Variants in ADCY9 observed in about 807,000 individuals in gnomAD.
The protein encoded by ADCY9 is adenylate cyclase type 9.
Under a neutral mutation model 101.5 loss-of-function variants are expected in ADCY9, and 50 were observed. The ratio of observed to expected loss-of-function variants is 0.49; its 90% CI spans 0.39 to 0.62. ADCY9 has a LOEUF of 0.62. ADCY9 is among the 20% of genes least tolerant of loss of function. ADCY9 has a pLI of 0.00. For synonymous variants in ADCY9, 905 were observed against 769.3 expected (o/e 1.18, Z -2.92); for missense variants, 1,662 against 1,800.4 (o/e 0.92, Z 1.39).
intron 2 of ADCY9, among the ~76,000 whole-genome samples, chr16:4,104,844 C>G (rs948759442): frequency 6.6e-6 from 1 of 152,014 alleles, no homozygotes; most frequent in Admixed American, 6.6e-5. Flanking sequence ...CATTTTATCA[C>G]TCAAAAAACC....
Position 3,992,493 on chromosome 16 carries a change from G to T in ADCY9, c.1990-130C>A. On this transcript the variant is annotated intron_variant, in intron 4 of 10. Coordinates refer to ENST00000294016, the MANE Select transcript of ADCY9 (RefSeq NM_001116.4). This position sits in a 1 kb window ranked among gnomAD's most constrained non-coding sequence, Gnocchi z 4.2. ...CTGGGCGTGGGACTTTCTGACCTGC[G>T]AGGAACCCCCACCCCCCTGCGCCTA... 1.3e-6 allele frequency: 1 copy of T among 794,026 alleles called. No individual in the cohort carries two copies. The highest frequency in any genetic ancestry group is 2.0e-6 in the Non-Finnish European group (1 of 504,834). 49.2% of individuals were successfully genotyped at this position (794,026 alleles called of 1,614,324 possible).
intron 3 of ADCY9, among the ~76,000 whole-genome samples, chr16:4,000,968 TACACACAC>T (rs141254290): frequency 1.1e-3 from 134 of 125,334 alleles, no homozygotes; most frequent in African/African-American, 3.2e-3. Context: ...TCCCTCTCTC[TACACACAC>T]ACACACACAC....
chr16:3,983,795 C>A (rs1036564267), intron 6 of ADCY9: 1 of 244,882 alleles, frequency 4.1e-6, no homozygotes, highest in Non-Finnish European at 8.0e-6. Flanking sequence ...CATGGCAGTG[C>A]GTGAGTGTGG....
intron 6 of ADCY9, 62 bp from the exon 7 acceptor site, chr16:3,983,502 C>A: frequency 7.1e-7 from 1 of 1,410,856 alleles, no homozygotes; most frequent in South Asian, 1.2e-5. Context: ...GAGCGCAGTT[C>A]AGATGGAGAA....
chr16:4,078,570 AAAAAGAAAAC>A (rs1380273549), intron 2 of ADCY9, among the ~76,000 whole-genome samples: 1 of 137,212 alleles, frequency 7.3e-6, no homozygotes, highest in African/African-American at 2.6e-5. Context: ...AAGAAAAAAA[AAAAAGAAAAC>A]AAAAACATAA....
chr16:3,954,272 C>T lies in ADCY9; in HGVS notation c.568-756G>A, dbSNP rs1173843281. Among the ~76,000 whole-genome samples the T allele has an allele frequency of 5.9e-5, 9 of 152,184 alleles. No homozygotes were observed. The East Asian group carries it at 7.7e-4, about 13-fold the overall frequency. On this transcript the variant is annotated intron_variant, in intron 5 of 5. Transcript: ENST00000576936. ...TGGGTCCTGGTGAACGACGATGCTT[C>T]GACATCCACTCTTCTGGGCATTCCC... is the stretch of plus-strand genomic sequence containing the variant.
chr16:4,065,295 C>T (rs1003668582), intron 2 of ADCY9, among the ~76,000 whole-genome samples: 1 of 152,228 alleles, frequency 6.6e-6, no homozygotes, highest in Non-Finnish European at 1.5e-5. Context: ...GCTCCTTTCA[C>T]TTTCAATTCC....
chr16:3,993,654 C>G (rs1304532760), intron 3 of ADCY9, 144 bp from the exon 4 acceptor site: 5 of 1,036,846 alleles, frequency 4.8e-6, no homozygotes, highest in Non-Finnish European at 7.0e-6. Context: ...CGGGGATGAG[C>G]TGAAAGCCAA....
intron 2 of ADCY9, among the ~76,000 whole-genome samples, chr16:4,107,768 G>A (rs527719534): frequency 1.3e-5 from 2 of 152,186 alleles, no homozygotes; most frequent in African/African-American, 2.4e-5. Context: ...TGGCAGGCCC[G>A]TGCTCAGGGT....
rs576225925 is a variant in ADCY9, at chr16:4,047,916, G to A, written c.1694-40358C>T. Among the ~76,000 whole-genome samples the A allele has an allele frequency of 2.6e-5, 4 of 152,264 alleles. No individual in the cohort carries two copies. In the South Asian group the frequency reaches 8.3e-4, roughly 32 times the overall value. On this transcript the variant is annotated intron_variant, in intron 2 of 10. Transcript: ENST00000294016. ...CTTGCCCTGAACCCTCCCTTACCCA[G>A]GTAGCCACGAAGCATCTGGTGACTG...
At position 3,992,026 on chromosome 16, in the gene ADCY9, G is replaced by A. The variant is rs544079859; in HGVS notation, c.2207+120C>T. 9 of 933,944 alleles carry A rather than the reference G, an allele frequency of 9.6e-6. No individual in the cohort carries two copies. The highest frequency in any genetic ancestry group is 5.2e-5 in the Admixed American group (2 of 38,170). 57.9% of individuals were successfully genotyped at this position (933,944 alleles called of 1,614,324 possible). On this transcript the variant is annotated intron_variant, in intron 5 of 10. Coordinates refer to ENST00000294016, the MANE Select transcript of ADCY9 (RefSeq NM_001116.4). This position sits in a 1 kb window ranked among gnomAD's most constrained non-coding sequence, Gnocchi z 4.2. ...ATAGAGGCTGCAGTGAGCCAAGATC[G>A]CGCCACTGCACTGCAGCCTGGATGA... is the stretch of plus-strand genomic sequence containing the variant.
intron 2 of ADCY9, among the ~76,000 whole-genome samples, chr16:4,059,250 G>A (rs749069637): frequency 4.0e-5 from 6 of 151,498 alleles, no homozygotes; most frequent in Admixed American, 6.6e-5. Flanking sequence ...AGCTGGTGGC[G>A]GGTGCCTGTA....
Position 3,991,220 on chromosome 16 carries a change from G to A in ADCY9, c.2207+926C>T, listed in dbSNP as rs2056241075. Among the ~76,000 whole-genome samples, 3 of 152,216 alleles carry A rather than the reference G, an allele frequency of 2.0e-5. No individual in the cohort carries two copies. The South Asian group carries it at 6.2e-4, about 32-fold the overall frequency. ...CAAGATCTTCAAGTATTTTCTCACAGATTGCTTATTAGTCATAAGAGGAAT... is the reference window on the plus strand; with the variant it reads ...CAAGATCTTCAAGTATTTTCTCACAAATTGCTTATTAGTCATAAGAGGAAT... On this transcript the variant is annotated intron_variant, in intron 5 of 10. Coordinates refer to ENST00000294016, the MANE Select transcript of ADCY9 (RefSeq NM_001116.4).
At chr16:3,957,499 C>T (rs148328195) in intron 5 of ADCY9, among the ~76,000 whole-genome samples, 71 of 150,680 alleles carry the variant, frequency 4.7e-4, no homozygotes, top group African/African-American at 1.6e-3. Flanking sequence ...AGGGTGATGG[C>T]GGAATGGGGG....
intron 6 of ADCY9, among the ~76,000 whole-genome samples, chr16:3,987,480 G>A (rs535074580): frequency 1.3e-5 from 2 of 152,316 alleles, no homozygotes; most frequent in East Asian, 3.9e-4. Flanking sequence ...GCCTTGCTCA[G>A]CGTCAGCTCT....
intron 2 of ADCY9, among the ~76,000 whole-genome samples, chr16:4,026,970 C>T (rs765830192): frequency 1.3e-5 from 2 of 152,198 alleles, no homozygotes; most frequent in South Asian, 4.1e-4. Context: ...ATGGAAAGTA[C>T]CTCTGATTGG....
At chr16:4,019,914 C>G (rs1359263631) in intron 2 of ADCY9, among the ~76,000 whole-genome samples, 1 of 152,066 alleles carries the variant, frequency 6.6e-6, no homozygotes. Context: ...CCTGTCTCCA[C>G]TAAAAATACA....
intron 2 of ADCY9, among the ~76,000 whole-genome samples, chr16:4,086,291 T>G (rs1325470323): frequency 6.6e-6 from 1 of 151,776 alleles, no homozygotes; most frequent in Non-Finnish European, 1.5e-5. Flanking sequence ...CCACAGAGGG[T>G]CCATTGCAAG....
At position 3,974,615 on chromosome 16, in the gene ADCY9, G is replaced by C. The variant is rs758085562; in HGVS notation, c.2870+54C>G. 57 of 1,453,360 alleles carry C rather than the reference G, an allele frequency of 3.9e-5. No homozygotes were observed. In the Middle Eastern group the frequency reaches 5.2e-4, roughly 13 times the overall value. 90.0% of individuals were successfully genotyped at this position (1,453,360 alleles called of 1,614,324 possible). On this transcript the variant is annotated intron_variant, in intron 10 of 10. Coordinates refer to ENST00000294016, the MANE Select transcript of ADCY9 (RefSeq NM_001116.4). ...TTTCAGGAAGCTTCGAAATGGGCAG[G>C]GTAATACAGTCACTCTCGTTTATTC...
Sources: gnomAD v4.1 joint callset for allele counts (sites outside exome capture counted in the v4.1 genomes callset) on GRCh38, gnomAD v4.1.1 for gene constraint, Gnocchi (gnomAD v3.1) non-coding constraint, MANE v1.5 for transcripts, NCBI Gene and HGNC (gene_info 2026-07-23, HGNC 2026-07-21) for gene names.